DHRS2: variants seen among roughly 807,000 people sequenced by gnomAD.
The protein encoded by DHRS2 is dehydrogenase/reductase 2.
In DHRS2, 29 loss-of-function variants were observed where a neutral mutation model predicts 26.3. That is an observed-to-expected ratio of 1.10 (90% CI 0.82 to 1.50). The LOEUF (loss-of-function observed/expected upper bound fraction) is 1.50, where lower values mean the gene tolerates loss of function less well. Ranked by LOEUF, DHRS2 falls within the 40% of genes most tolerant of loss-of-function variation. DHRS2 has a pLI of 0.00. For missense variants in DHRS2, 439 were observed against 367.1 expected (o/e 1.20, Z -1.60); for synonymous variants, 164 against 151.3 (o/e 1.08, Z -0.62).
chr14:23,640,690 T>A (rs1210269544), intron 4 of DHRS2: 2 of 153,682 alleles, frequency 1.3e-5, no homozygotes, highest in African/African-American at 4.8e-5. Flanking sequence ...TGTTCTGCCT[T>A]CCCTAGATCC....
At chr14:23,643,240 G>A (rs1890740567) in intron 5 of DHRS2, 21 bp downstream of exon 5, 2 of 1,612,754 alleles carry the variant, frequency 1.2e-6, no homozygotes, top group African/African-American at 2.7e-5. Flanking sequence ...GCGGGGGTGG[G>A]GACCAGTCGG....
intron 4 of DHRS2, chr14:23,641,670 CT>C: frequency 7.8e-7 from 1 of 1,289,842 alleles, no homozygotes; most frequent in Non-Finnish European, 1.0e-6. Flanking sequence ...TATTAGGGAC[CT>C]CAGGGTGGTA....
intron 8 of DHRS2, 37 bp downstream of exon 8, chr14:23,644,919 G>A: frequency 6.2e-7 from 1 of 1,609,468 alleles, no homozygotes; most frequent in Non-Finnish European, 8.5e-7. Flanking sequence ...TCCATGTGTG[G>A]CTAGGCAGGG....
chr14:23,641,654 C>A (rs1216654457), intron 4 of DHRS2: 2 of 1,289,828 alleles, frequency 1.6e-6, no homozygotes, highest in Admixed American at 4.6e-5. Flanking sequence ...ATCCTCAATT[C>A]CTTCTTATTA....
rs2138398169 is a variant in DHRS2, at chr14:23,645,332, G to A, written c.*79G>A. 1 of 1,605,826 alleles carries A rather than the reference G, an allele frequency of 6.2e-7. No individual in the cohort carries two copies. Among genetic ancestry groups the A allele is most frequent in the African/African-American group, 1.3e-5 (1 of 74,992 alleles). On this transcript the variant is annotated 3_prime_UTR_variant, in exon 9 of 9. Coordinates refer to ENST00000250383, the MANE Select transcript of DHRS2 (RefSeq NM_005794.4). ...GTGTCTAGGTGATCATTTGGATCTG[G>A]AGGCAGAGTCTGCCATTCTGCCAGA...
rs1278919681 is a variant in DHRS2 at position 23,636,596 on chromosome 14, T to A, written c.-215T>A. 1 of 152,036 alleles carries A rather than the reference T, an allele frequency of 6.6e-6. No individual in the cohort carries two copies. Among genetic ancestry groups the A allele is most frequent in the Non-Finnish European group, 1.5e-5 (1 of 68,044 alleles). 9.4% of individuals were successfully genotyped at this position (152,036 alleles called of 1,614,324 possible). A position where few individuals can be genotyped will look rare whatever the true frequency, so the allele number is the denominator to read the frequency against. ...AACCGTAATACTCACCGCAAGGGTC[T>A]GCAACTTCATTCTTGAAGTCAGTGA... On this transcript the variant is annotated 5_prime_UTR_variant, in exon 1 of 9. Transcript: ENST00000250383.
rs752822666 is a variant in DHRS2, at chr14:23,644,850, G to A, written c.699G>A (p.Trp233Ter). The A allele has an allele frequency of 1.2e-6, 2 of 1,614,176 alleles. No individual in the cohort carries two copies. Among genetic ancestry groups the A allele is most frequent in the East Asian group, 2.2e-5 (1 of 44,882 alleles). The part of the protein sequence containing the change: ...SKVFHGNESL[W>*]KNFKEHHQLQ... ...AGTTTCATGGGAATGAGTCTCTCTG[G>A]AAGAACTTCAAGGAACATCATCAGC... is the stretch of plus-strand genomic sequence containing the variant. Residue 233 changes from tryptophan (W) to a stop codon, truncating the protein, a stop_gained, in exon 8 of 9, where the codon TGG (tryptophan) becomes TGA (stop). Transcript: ENST00000250383. LOFTEE classifies it low-confidence loss of function (END_TRUNC).
At chr14:23,643,556 G>A (rs1267538469) in intron 5 of DHRS2, 1 of 322,362 alleles carries the variant, frequency 3.1e-6, no homozygotes, top group Non-Finnish European at 5.9e-6. Context: ...ACCAATGACA[G>A]GGTTAGCCCC....
upstream of DHRS2, among the ~76,000 whole-genome samples, chr14:23,635,336 G>C (rs538118993): frequency 1.1e-4 from 17 of 152,308 alleles, 1 homozygote; most frequent in South Asian, 3.5e-3. Context: ...TTACAGGTGT[G>C]AGCTACCGTG....
intron 5 of DHRS2, chr14:23,643,825 C>T: frequency 2.1e-6 from 1 of 468,686 alleles, no homozygotes; most frequent in Non-Finnish European, 3.9e-6. Flanking sequence ...CTTCACAAAG[C>T]CCACCCTGCC....
upstream of DHRS2, among the ~76,000 whole-genome samples, chr14:23,632,199 C>T (rs1166863391): frequency 2.0e-5 from 3 of 152,196 alleles, no homozygotes; most frequent in African/African-American, 7.2e-5. Flanking sequence ...GGATTCCTCT[C>T]AACCTCAAAA....
In DHRS2 at chr14:23,636,450, G is replaced by A. The variant is rs1890287350; in HGVS notation, c.-361G>A. The A allele has an allele frequency of 6.6e-6, 1 of 152,012 alleles. No individual in the cohort carries two copies. Among genetic ancestry groups the A allele is most frequent in the Admixed American group, 6.6e-5 (1 of 15,248 alleles). The allele number at this position is 152,012 out of a possible 1,614,324, so 9.4% of individuals were successfully genotyped here. A position where few individuals can be genotyped will look rare whatever the true frequency, so the allele number is the denominator to read the frequency against. On this transcript the variant is annotated 5_prime_UTR_variant, in exon 1 of 9. Transcript: ENST00000250383. The stretch of plus-strand genomic sequence containing the variant: ...AATCTTGCTGCTGCTCACTCGTTGG[G>A]TCCGTGCCACCTTTAAGAGCTGTAA...
At chr14:23,644,915 T>A in intron 8 of DHRS2, 33 bp downstream of exon 8, 1 of 1,611,860 alleles carries the variant, frequency 6.2e-7, no homozygotes, top group Non-Finnish European at 8.5e-7. Context: ...GTGGTCCATG[T>A]GTGGCTAGGC....
At chr14:23,637,101 T>C (rs1890343403) in intron 1 of DHRS2, among the ~76,000 whole-genome samples, 1 of 152,158 alleles carries the variant, frequency 6.6e-6, no homozygotes, top group Non-Finnish European at 1.5e-5. Context: ...CTCAAAGGCA[T>C]GTTGCCCAAG....
Position 23,638,905 on chromosome 14 carries a change from A to G in DHRS2, c.41A>G (p.His14Arg), listed in dbSNP as rs1890485257. ...AVARGYQGWF[H>R]PCARLSVRMS... Reference sequence around the variant, plus strand: ...GCCCGGGGCTACCAGGGCTGGTTTCATCCCTGTGCTAGGCTTTCTGTGAGG... The same window carrying G: ...GCCCGGGGCTACCAGGGCTGGTTTCGTCCCTGTGCTAGGCTTTCTGTGAGG... The change falls in exon 2 of 9, where the codon CAT (histidine) becomes CGT (arginine). Residue 14 changes from histidine to arginine, a missense_variant. Physicochemically the swap from His to Arg is conservative, Grantham distance 29. Transcript: ENST00000250383. 4 of 1,614,162 alleles carry G rather than the reference A, an allele frequency of 2.5e-6. No individual in the cohort carries two copies. In the Admixed American group the frequency reaches 5.0e-5, roughly 20 times the overall value.
intron 4 of DHRS2, chr14:23,641,583 A>G: frequency 7.8e-7 from 1 of 1,285,604 alleles, no homozygotes; most frequent in Non-Finnish European, 1.0e-6. Context: ...GGAGTATTGG[A>G]CAGATATCCT....
intron 1 of DHRS2, among the ~76,000 whole-genome samples, chr14:23,630,572 A>G (rs902050375): frequency 6.6e-6 from 1 of 152,230 alleles, no homozygotes; most frequent in Non-Finnish European, 1.5e-5. Context: ...AGTGCTGATG[A>G]AAAAGAGTCA....
At chr14:23,643,271 C>A (rs1890741996) in intron 5 of DHRS2, 52 bp downstream of exon 5, 1 of 1,534,494 alleles carries the variant, frequency 6.5e-7, no homozygotes, top group Non-Finnish European at 9.0e-7. Flanking sequence ...CTGAGGTGGG[C>A]ACAGAAATAC....
upstream of DHRS2, among the ~76,000 whole-genome samples, chr14:23,633,598 TC>T (rs1890180868): frequency 6.6e-6 from 1 of 152,114 alleles, no homozygotes; most frequent in Non-Finnish European, 1.5e-5. Flanking sequence ...TATTGAGCAC[TC>T]CTGTGTTTCA....
Sources: allele counts gnomAD v4.1 joint callset (sites outside exome capture counted in the v4.1 genomes callset), GRCh38; gene constraint gnomAD v4.1.1; transcripts MANE v1.5; gene names NCBI Gene and HGNC (gene_info 2026-07-23, HGNC 2026-07-21).